POLR3F: variants seen among roughly 807,000 people sequenced by gnomAD.
POLR3F encodes DNA-directed RNA polymerase III subunit RPC6.
POLR3F carries 31 observed loss-of-function variants against 43.6 expected under a neutral mutation model. The observed-to-expected ratio is 0.71, with a 90% CI of 0.53 to 0.96. The LOEUF is 0.96. Ranked by LOEUF, POLR3F falls within the 40% of genes least tolerant of loss-of-function variation. POLR3F has a pLI of 0.00. For synonymous variants in POLR3F, 114 were observed against 132.5 expected, an observed-to-expected ratio of 0.86 and a Z score of 0.96; for missense variants, 316 against 391.7, an observed-to-expected ratio of 0.81 and a Z score of 1.63.
Position 18,481,854 on chromosome 20 carries a change from G to A in POLR3F, c.873+44G>A, listed in dbSNP as rs767327752. On this transcript the variant is annotated intron_variant, in intron 8 of 8. Transcript: ENST00000377603. ...ACTTTACACTTGACTGCCCACGGGTGCAAGTGCCACATTAAGAAACAGAGC... is the reference window on the plus strand; with the variant it reads ...ACTTTACACTTGACTGCCCACGGGTACAAGTGCCACATTAAGAAACAGAGC... 5.8e-6 allele frequency: 7 copies of A among 1,215,418 alleles called. No homozygotes were observed. In the African/African-American group the frequency reaches 9.0e-5, roughly 16 times the overall value. 75.3% of individuals were successfully genotyped at this position (1,215,418 alleles called of 1,614,324 possible). A position where few individuals can be genotyped will look rare whatever the true frequency, so the allele number is the denominator to read the frequency against.
chr20:18,481,885 C>T (rs1010181443), intron 8 of POLR3F, 75 bp downstream of exon 8: 1 of 881,172 alleles, frequency 1.1e-6, no homozygotes, highest in Admixed American at 2.1e-5. Flanking sequence ...AGAGCAAGCA[C>T]AGCCCAGTTT....
chr20:18,475,024 A>G, intron 4 of POLR3F, 51 bp from the exon 5 acceptor site: 1 of 788,872 alleles, frequency 1.3e-6, no homozygotes, highest in Non-Finnish European at 2.2e-6. Context: ...GAATAACATT[A>G]AAAATCCATG....
At chr20:18,473,741 GT>G (rs953558199) in intron 4 of POLR3F, among the ~76,000 whole-genome samples, 15 of 150,260 alleles carry the variant, frequency 1.0e-4, no homozygotes, top group South Asian at 2.1e-4. Flanking sequence ...TAAAATTTAA[GT>G]TTTTTTTTTA....
In POLR3F at chr20:18,471,323, TC is replaced by T. The variant is rs1324468886; in HGVS notation, c.181-1518del. 2.0e-5 allele frequency among the ~76,000 whole-genome samples: 3 copies of T among 152,318 alleles called. No individual in the cohort carries two copies. In the East Asian group the frequency reaches 5.8e-4, roughly 29 times the overall value. On this transcript the variant is annotated intron_variant, in intron 2 of 8. Coordinates refer to ENST00000377603, the MANE Select transcript of POLR3F (RefSeq NM_006466.4). Reference sequence around the variant, plus strand: ...TTACAGATGACTAACGCATTAGGACTCAACTCTGCCATTGTCTCCAGGAAGT... The same window carrying T: ...TTACAGATGACTAACGCATTAGGACTAACTCTGCCATTGTCTCCAGGAAGT...
At chr20:18,475,461 A>T (rs1176817813) in intron 5 of POLR3F, among the ~76,000 whole-genome samples, 1 of 152,196 alleles carries the variant, frequency 6.6e-6, no homozygotes, top group Non-Finnish European at 1.5e-5. Flanking sequence ...GTGTAAGATA[A>T]TTTACTTTAT....
At chr20:18,478,594 T>C (rs1208725217) in intron 5 of POLR3F, among the ~76,000 whole-genome samples, 1 of 152,162 alleles carries the variant, frequency 6.6e-6, no homozygotes, top group South Asian at 2.1e-4. Flanking sequence ...CAAGGAAAGT[T>C]AGAATGATCC....
intron 2 of POLR3F, among the ~76,000 whole-genome samples, chr20:18,471,335 T>C (rs531688671): frequency 6.6e-6 from 1 of 152,262 alleles, no homozygotes; most frequent in East Asian, 1.9e-4. Context: ...AACTCTGCCA[T>C]TGTCTCCAGG....
chr20:18,483,685 C>T lies in POLR3F; in HGVS notation c.*127C>T. The T allele has an allele frequency of 2.3e-6, 1 of 438,084 alleles. No homozygotes were observed. Among genetic ancestry groups the T allele is most frequent in the Non-Finnish European group, 4.0e-6 (1 of 247,406 alleles). The allele number at this position is 438,084 out of a possible 1,614,324, so 27.1% of individuals were successfully genotyped here. A position where few individuals can be genotyped will look rare whatever the true frequency, so the allele number is the denominator to read the frequency against. On this transcript the variant is annotated 3_prime_UTR_variant, in exon 9 of 9. Coordinates refer to ENST00000377603, the MANE Select transcript of POLR3F (RefSeq NM_006466.4). ...CACAATAATGGACGTAGACTTGCTG[C>T]TATGAAAACATATTTTTTTTATTTA... is the stretch of plus-strand genomic sequence containing the variant.
At chr20:18,467,593 G>A (rs1568573498) in intron 1 of POLR3F, 25 bp downstream of exon 1, 1 of 1,614,146 alleles carries the variant, frequency 6.2e-7, no homozygotes, top group Non-Finnish European at 8.5e-7. Context: ...CTCCGGCTTG[G>A]CACTCCATCA....
chr20:18,476,362 C>CT (rs2059780347), intron 5 of POLR3F, among the ~76,000 whole-genome samples: 1 of 152,268 alleles, frequency 6.6e-6, no homozygotes, highest in East Asian at 1.9e-4. Context: ...AATATGTAGT[C>CT]TTTTATGTAT....
chr20:18,479,958 A>C (rs2059801324), intron 5 of POLR3F, 80 bp from the exon 6 acceptor site: 16 of 1,029,286 alleles, frequency 1.6e-5, no homozygotes, highest in Non-Finnish European at 2.2e-5. Context: ...GTACATCTTA[A>C]ACTGTTCCAA....
intron 2 of POLR3F, chr20:18,470,681 T>C (rs11907020): frequency 0.036 from 5,507 of 154,646 alleles, 250 homozygotes; most frequent in African/African-American, 0.099. Flanking sequence ...CCCTCTCAGC[T>C]CTTTCCTTCT....
Position 18,483,537 on chromosome 20 carries a change from G to C in POLR3F, c.930G>C (p.Met310Ile). ...TTTCACCATCTAACTGTATTTACAT[G>C]ACAGAGTGGCTCGAATTTTAATAGA... Reference protein sequence around the residue: ...GEISPSNCIYMTEWLEF With the variant: ...GEISPSNCIYITEWLEF The change falls in exon 9 of 9, where the codon ATG (methionine) becomes ATC (isoleucine). Residue 310 changes from methionine (M) to isoleucine (I), a missense_variant. Met to Ile is a conservative substitution (Grantham distance 10, BLOSUM62 1). Around this residue, in one of 3 missense-constraint regions of POLR3F, gnomAD observed 85 missense variants for 80.2 expected, o/e 1.06. Coordinates refer to ENST00000377603, the MANE Select transcript of POLR3F (RefSeq NM_006466.4). 6.6e-7 allele frequency: 1 copy of C among 1,512,846 alleles called. No homozygotes were observed. Among genetic ancestry groups the C allele is most frequent in the Non-Finnish European group, 9.0e-7 (1 of 1,109,360 alleles). 93.7% of individuals were successfully genotyped at this position (1,512,846 alleles called of 1,614,324 possible).
rs563452153 is a variant in POLR3F, at chr20:18,474,741, C to CA, written c.317-331dup. Among the ~76,000 whole-genome samples, 13 of 152,200 alleles carry CA rather than the reference C, an allele frequency of 8.5e-5. No homozygotes were observed. In the South Asian group the frequency reaches 2.7e-3, roughly 32 times the overall value. Reference sequence around the variant, plus strand: ...TTCACCATGTTGGCCAGGCTGGTCTCAAACTCCTGAGCTCAGGTGACCCAC... The same window carrying CA: ...TTCACCATGTTGGCCAGGCTGGTCTCAAAACTCCTGAGCTCAGGTGACCCAC... On this transcript the variant is annotated intron_variant, in intron 4 of 8. Coordinates refer to ENST00000377603, the MANE Select transcript of POLR3F (RefSeq NM_006466.4).
At chr20:18,474,926 TATTGTTTAGC>T in intron 4 of POLR3F, 139 bp from the exon 5 acceptor site, 1 of 472,960 alleles carries the variant, frequency 2.1e-6, no homozygotes, top group Non-Finnish European at 3.8e-6. Flanking sequence ...TATACTTATT[TATTGTTTAGC>T]ATACTTTTGC....
chr20:18,482,322 G>A (rs1384219713), intron 8 of POLR3F, among the ~76,000 whole-genome samples: 1 of 152,012 alleles, frequency 6.6e-6, no homozygotes, highest in Non-Finnish European at 1.5e-5. Flanking sequence ...CCACATTAAG[G>A]ATATTTACGT....
intron 8 of POLR3F, among the ~76,000 whole-genome samples, chr20:18,482,462 G>A (rs2059815961): frequency 6.6e-6 from 1 of 152,170 alleles, no homozygotes; most frequent in African/African-American, 2.4e-5. Context: ...TCCATAGGCG[G>A]TCTCATTTAA....
rs1367961502 is a variant in POLR3F at position 18,480,077 on chromosome 20, C to G, written c.469C>G (p.Pro157Ala). ...KKVYMLYNLQ[P>A]DRSVTGGAWY... The stretch of plus-strand genomic sequence containing the variant: ...GGTGTATATGCTCTATAACCTGCAG[C>G]CAGACCGGTCTGTGACTGGTGGAGC... Residue 157 changes from proline (P) to alanine (A), a missense_variant, in exon 6 of 9, where the codon CCA becomes GCA. By Grantham distance (27) the Pro-to-Ala change is conservative. Around this residue, in one of 3 missense-constraint regions of POLR3F, gnomAD observed 109 missense variants for 177.7 expected, o/e 0.61. Coordinates refer to ENST00000377603, the MANE Select transcript of POLR3F (RefSeq NM_006466.4). 3 of 1,612,212 alleles carry G rather than the reference C, an allele frequency of 1.9e-6. No individual in the cohort carries two copies. The highest frequency in any genetic ancestry group is 8.5e-7 in the Non-Finnish European group (1 of 1,178,496).
intron 1 of POLR3F, among the ~76,000 whole-genome samples, chr20:18,467,888 C>T (rs1220821693): frequency 6.6e-6 from 1 of 152,190 alleles, no homozygotes; most frequent in Non-Finnish European, 1.5e-5. Context: ...GGCTTTCTTT[C>T]CCTGTAGAAC....
Sources: allele counts gnomAD v4.1 joint callset (sites outside exome capture counted in the v4.1 genomes callset), GRCh38; gene constraint gnomAD v4.1.1; regional missense constraint gnomAD v4.1.1; transcripts MANE v1.5; gene names NCBI Gene and HGNC (gene_info 2026-07-23, HGNC 2026-07-21).